The following LRMDA variants were observed in gnomAD, a reference collection of about 807,000 sequenced individuals.
LRMDA encodes leucine rich melanocyte differentiation associated.
Under a neutral mutation model 29.8 loss-of-function variants are expected in LRMDA, and 18 were observed. The observed-to-expected ratio is 0.60, with a 90% CI of 0.42 to 0.90. The LOEUF is 0.90. Among genes scored for constraint, LRMDA ranks in the 40% least tolerant of loss-of-function variants. LRMDA has a pLI of 0.00. For synonymous variants in LRMDA, 125 were observed against 109.4 expected (o/e 1.14, Z -0.89); for missense variants, 273 against 273.9 (o/e 1.00, Z 0.02).
intron 2 of LRMDA, among the ~76,000 whole-genome samples, chr10:75,725,567 G>A (rs1348309684): frequency 6.6e-6 from 1 of 152,164 alleles, no homozygotes; most frequent in Non-Finnish European, 1.5e-5. Context: ...GATGAGTTGA[G>A]TCCCAATGTC....
chr10:75,974,783 T>C (rs1342465701), intron 2 of LRMDA, among the ~76,000 whole-genome samples: 1 of 152,208 alleles, frequency 6.6e-6, no homozygotes, highest in Non-Finnish European at 1.5e-5. Flanking sequence ...ATTTCATACC[T>C]ACAACATGCT....
rs549608084 is a variant in LRMDA, at chr10:76,145,997, G to A, written c.516+87214G>A. 9.4e-3 allele frequency among the ~76,000 whole-genome samples: 1,422 copies of A among 150,890 alleles called. 18 individuals are homozygous for A. The highest frequency in any genetic ancestry group is 0.033 in the African/African-American group (1,347 of 40,918). On this transcript the variant is annotated intron_variant, in intron 5 of 6. Transcript: ENST00000611255. ...TTGTTCAGTTTCCATGTAGTTGAGC[G>A]GTTTTGAGTGAGTTTCTTAATCCTG...
intron 5 of LRMDA, among the ~76,000 whole-genome samples, chr10:76,158,415 T>G (rs1472496217): frequency 6.6e-6 from 1 of 152,130 alleles, no homozygotes; most frequent in Non-Finnish European, 1.5e-5. Context: ...TTAATTATTA[T>G]TTATGTTTTT....
intron 2 of LRMDA, among the ~76,000 whole-genome samples, chr10:75,880,332 ATATGT>A (rs1845273425): frequency 6.6e-6 from 1 of 152,242 alleles, no homozygotes; most frequent in Non-Finnish European, 1.5e-5. Context: ...AAAGGAGGTG[ATATGT>A]TATAAGGAGT....
Position 76,172,679 on chromosome 10 carries a change from G to T in LRMDA, c.516+113896G>T, listed in dbSNP as rs187571420. Reference sequence around the variant, plus strand: ...ACACAGGACCAGAAGTAGTGCTGTTGCCACCAGCTGGAGCAGAAAATCAGA... The same window carrying T: ...ACACAGGACCAGAAGTAGTGCTGTTTCCACCAGCTGGAGCAGAAAATCAGA... On this transcript the variant is annotated intron_variant, in intron 5 of 6. Transcript: ENST00000611255. Among the ~76,000 whole-genome samples, 3 of 152,280 alleles carry T rather than the reference G, an allele frequency of 2.0e-5. No homozygotes were observed. The East Asian group carries it at 5.8e-4, about 30-fold the overall frequency.
At chr10:76,349,364 C>T (rs1841147515) in intron 6 of LRMDA, among the ~76,000 whole-genome samples, 1 of 151,934 alleles carries the variant, frequency 6.6e-6, no homozygotes. Flanking sequence ...AGGCAGTGGG[C>T]CAGATTTGGC....
intron 6 of LRMDA, among the ~76,000 whole-genome samples, chr10:76,335,203 A>C (rs1840952606): frequency 1.3e-5 from 2 of 152,254 alleles, no homozygotes; most frequent in South Asian, 4.1e-4. Flanking sequence ...CCTTTGCAAG[A>C]CATAGCTAGG....
intron 5 of LRMDA, among the ~76,000 whole-genome samples, chr10:76,212,565 T>A (rs1444947584): frequency 6.6e-6 from 1 of 152,212 alleles, no homozygotes; most frequent in Non-Finnish European, 1.5e-5. Flanking sequence ...AAGAAAGAGA[T>A]AACCGGATGT....
chr10:76,261,064 C>CTTTTTTTTTTTTTTTTTT (rs58554883), intron 5 of LRMDA, among the ~76,000 whole-genome samples: 5 of 117,706 alleles, frequency 4.2e-5, no homozygotes, highest in Admixed American at 9.4e-5. Context: ...CTTTTCTTTT[C>CTTTTTTTTTTTTTTTTTT]TTTTTTTTTT....
At chr10:76,350,628 T>A (rs562921401) in intron 6 of LRMDA, among the ~76,000 whole-genome samples, 2 of 151,952 alleles carry the variant, frequency 1.3e-5, no homozygotes, top group Non-Finnish European at 2.9e-5. Flanking sequence ...CCTGTATCTC[T>A]AGGAGAACAA....
rs117307101 is a variant in LRMDA at position 76,259,198 on chromosome 10, C to T, written c.517-65203C>T. ...GCTATCTCATTGGTGTTTTGATTTA[C>T]GTTTCCTTGATGATTAGTGATGTTG... is the stretch of plus-strand genomic sequence containing the variant. On this transcript the variant is annotated intron_variant, in intron 5 of 6. Transcript: ENST00000611255. 2.2e-3 allele frequency among the ~76,000 whole-genome samples: 328 copies of T among 152,086 alleles called. 2 individuals carry two copies. The highest frequency in any genetic ancestry group is 3.7e-3 in the Non-Finnish European group (252 of 67,950).
chr10:75,711,450 T>C (rs561661205), intron 2 of LRMDA, among the ~76,000 whole-genome samples: 5 of 152,358 alleles, frequency 3.3e-5, no homozygotes, highest in South Asian at 4.1e-4. Context: ...TACAATTCCC[T>C]GTTTTTTTGG....
intron 5 of LRMDA, among the ~76,000 whole-genome samples, chr10:76,201,407 A>G (rs1383028340): frequency 6.6e-6 from 1 of 152,160 alleles, no homozygotes; most frequent in Non-Finnish European, 1.5e-5. Context: ...CTATATTATT[A>G]TTGAAGAAAG....
chr10:75,480,552 A>G lies in LRMDA; in HGVS notation c.131+42058A>G, dbSNP rs7072761. On this transcript the variant is annotated intron_variant, in intron 2 of 6. Transcript: ENST00000611255. ...TTCAGGCAGAGGGAACACAACAGAC[A>G]ATGAACAAGTGTATTCAAGGGACAC... 4.7e-3 allele frequency among the ~76,000 whole-genome samples: 717 copies of G among 152,292 alleles called. 9 individuals are homozygous for G. The highest frequency in any genetic ancestry group is 0.016 in the African/African-American group (682 of 41,560).
chr10:76,093,825 T>G (rs1428379444), intron 5 of LRMDA, among the ~76,000 whole-genome samples: 1 of 152,160 alleles, frequency 6.6e-6, no homozygotes, highest in Non-Finnish European at 1.5e-5. Flanking sequence ...ACCTGATATT[T>G]TGGCTTCTGC....
intron 6 of LRMDA, among the ~76,000 whole-genome samples, chr10:76,465,504 A>C (rs946217395): frequency 7.9e-5 from 12 of 152,164 alleles, no homozygotes; most frequent in Non-Finnish European, 1.8e-4. Flanking sequence ...AATAAAGTTA[A>C]TTTCAATACA....
At chr10:76,161,203 G>A (rs1009964384) in intron 5 of LRMDA, among the ~76,000 whole-genome samples, 4 of 152,068 alleles carry the variant, frequency 2.6e-5, no homozygotes, top group Admixed American at 1.3e-4. Flanking sequence ...TCTGACTCAC[G>A]TATTTCTCTT....
At chr10:76,555,766 CAAAAAAAAAAAAA>C (rs60428922) in intron 6 of LRMDA, among the ~76,000 whole-genome samples, 12 of 124,838 alleles carry the variant, frequency 9.6e-5, no homozygotes, top group Non-Finnish European at 2.0e-4. Flanking sequence ...ACAAATTAAC[CAAAAAAAAAAAAA>C]AAAAAAAAAT....
At chr10:75,884,010 T>C (rs138178666) in intron 2 of LRMDA, among the ~76,000 whole-genome samples, 2 of 152,142 alleles carry the variant, frequency 1.3e-5, no homozygotes, top group Admixed American at 6.5e-5. Context: ...GTTTTGACCT[T>C]CCATAAGCTG....
Sources: gnomAD v4.1 joint callset for allele counts (sites outside exome capture counted in the v4.1 genomes callset) on GRCh38, gnomAD v4.1.1 for gene constraint, MANE v1.5 for transcripts, NCBI Gene and HGNC (gene_info 2026-07-23, HGNC 2026-07-21) for gene names.